The following TRANK1 variants were observed in gnomAD, a reference collection of about 807,000 sequenced individuals.
TRANK1 encodes tetratricopeptide repeat and ankyrin repeat containing 1.
TRANK1 carries 198 observed loss-of-function variants against 266.0 expected under a neutral mutation model. The ratio of observed to expected loss-of-function variants is 0.74; its 90% CI spans 0.66 to 0.84. TRANK1 has a LOEUF of 0.84. TRANK1 is among the 40% of genes least tolerant of loss of function. The pLI is 0.00. For missense variants in TRANK1, 3,326 were observed against 3,634.6 expected, an observed-to-expected ratio of 0.92 and a Z score of 2.18; for synonymous variants, 1,396 against 1,384.1, an observed-to-expected ratio of 1.01 and a Z score of -0.19.
chr3:36,867,761 T>C (rs1209994339), intron 9 of TRANK1, among the ~76,000 whole-genome samples: 1 of 152,246 alleles, frequency 6.6e-6, no homozygotes, highest in Non-Finnish European at 1.5e-5. Context: ...AAAACTATAC[T>C]TTTACAAATT....
intron 15 of TRANK1, chr3:36,850,550 C>G: frequency 7.2e-6 from 7 of 967,572 alleles, no homozygotes; most frequent in Non-Finnish European, 8.6e-6. Flanking sequence ...AGGAAGATTA[C>G]TTAAGGCCAG....
At chr3:36,941,231 C>T (rs1212241618) in intron 1 of TRANK1, among the ~76,000 whole-genome samples, 2 of 152,138 alleles carry the variant, frequency 1.3e-5, no homozygotes, top group East Asian at 3.8e-4. Flanking sequence ...TTTCCAAGTG[C>T]TAGGAGGACC....
At chr3:36,936,427 A>G (rs2080426267) in intron 1 of TRANK1, among the ~76,000 whole-genome samples, 2 of 151,880 alleles carry the variant, frequency 1.3e-5, no homozygotes, top group Non-Finnish European at 2.9e-5. Context: ...TCAAGCCTGC[A>G]GTGAGCTGTG....
At chr3:36,921,107 T>A (rs889139165) in intron 1 of TRANK1, among the ~76,000 whole-genome samples, 1 of 152,208 alleles carries the variant, frequency 6.6e-6, no homozygotes, top group Admixed American at 6.5e-5. Flanking sequence ...GGTCCCCTGT[T>A]CTGACCTAAG....
chr3:36,945,658 G>A (rs1037503593), upstream of TRANK1, among the ~76,000 whole-genome samples: 1 of 152,148 alleles, frequency 6.6e-6, no homozygotes, highest in Non-Finnish European at 1.5e-5. Context: ...GGGTCGGAGA[G>A]GACCACCTCT....
intron 9 of TRANK1, among the ~76,000 whole-genome samples, chr3:36,870,145 C>T (rs767868664): frequency 8.5e-5 from 13 of 152,216 alleles, no homozygotes; most frequent in Non-Finnish European, 1.0e-4. Context: ...TGGTGGCTCA[C>T]GCCTATAATC....
At chr3:36,869,172 C>T (rs1234847807) in intron 9 of TRANK1, among the ~76,000 whole-genome samples, 3 of 152,236 alleles carry the variant, frequency 2.0e-5, no homozygotes, top group African/African-American at 7.2e-5. Flanking sequence ...TACAGAATCT[C>T]AGGTCCTGCC....
chr3:36,895,715 A>G lies in TRANK1; in HGVS notation c.477T>C (p.His159=). ...VLQSFLPCFD[H]IFTTGFPTEV... is the part of the protein sequence containing the mutation. ...CTGTTGGGAATCCAGTTGTGAAAAT[A>G]TGATCAAAGCAAGGCAAGAAACTTT... The change falls in exon 5 of 24, where the codon CAT becomes CAC. Residue 159 remains histidine, a synonymous_variant. Transcript: ENST00000645898. 1 of 1,536,446 alleles carries G rather than the reference A, an allele frequency of 6.5e-7. No individual in the cohort carries two copies. Among genetic ancestry groups the G allele is most frequent in the Non-Finnish European group, 8.7e-7 (1 of 1,146,738 alleles).
At chr3:36,861,262 A>G (rs2079138653) in intron 10 of TRANK1, 102 bp from the exon 11 acceptor site, 2 of 1,366,118 alleles carry the variant, frequency 1.5e-6, no homozygotes, top group East Asian at 5.0e-5. Context: ...CACGGATTAT[A>G]TAAACAAGTA....
intron 1 of TRANK1, among the ~76,000 whole-genome samples, chr3:36,924,857 G>GC (rs998918492): frequency 5.3e-5 from 8 of 152,224 alleles, no homozygotes; most frequent in Admixed American, 3.3e-4. Context: ...AGCCAAAGGA[G>GC]CCCCCCCGGA....
intron 15 of TRANK1, chr3:36,850,186 A>C: frequency 1.0e-6 from 1 of 985,460 alleles, no homozygotes; most frequent in Non-Finnish European, 1.2e-6. Flanking sequence ...CAGTCCAACC[A>C]TGACCGATGG....
chr3:36,893,921 T>C (rs2079749208), intron 5 of TRANK1, among the ~76,000 whole-genome samples: 1 of 152,026 alleles, frequency 6.6e-6, no homozygotes, highest in Admixed American at 6.6e-5. Context: ...CTCACTCTTG[T>C]TGCCCTGGCT....
intron 8 of TRANK1, among the ~76,000 whole-genome samples, chr3:36,887,032 G>A (rs968008334): frequency 2.7e-5 from 4 of 150,364 alleles, no homozygotes; most frequent in African/African-American, 4.9e-5. Flanking sequence ...TCAGCCTCCC[G>A]AGTAGCTGGG....
chr3:36,833,100 A>G lies in TRANK1; in HGVS notation c.6483T>C (p.Thr2161=), dbSNP rs1353770842. Residue 2161 remains threonine, a synonymous_variant, in exon 22 of 24, where the codon ACT becomes ACC. Transcript: ENST00000645898. ...TGTTTAGGGCTAATTTCACTTGGTC[A>G]GTCATTATCAAAAAATGATCTTTTG... ...KKTKDHFLIM[T]DQVKLALNKH... is the part of the protein sequence containing the mutation. 1.2e-6 allele frequency: 2 copies of G among 1,612,372 alleles called. No homozygotes were observed. Among genetic ancestry groups the G allele is most frequent in the African/African-American group, 1.3e-5 (1 of 75,026 alleles).
At chr3:36,852,833 C>T (rs549765064) in intron 13 of TRANK1, among the ~76,000 whole-genome samples, 2 of 149,278 alleles carry the variant, frequency 1.3e-5, no homozygotes, top group African/African-American at 2.5e-5. Flanking sequence ...TCATAAGGGG[C>T]TGGTATTGAC....
In TRANK1 at chr3:36,832,576, G is replaced by T. The variant is rs372685070; in HGVS notation, c.7007C>A (p.Ala2336Asp). Reference protein sequence around the residue: ...STDLWLSAMQAFLLSSNYPEE... With the variant: ...STDLWLSAMQDFLLSSNYPEE... The stretch of plus-strand genomic sequence containing the variant: ...CGGGTAGTTGGAAGAGAGAAGGAAA[G>T]CTTGCATGGCACTCAGCCACAGGTC... The change falls in exon 22 of 24, where the codon GCT becomes GAT. Residue 2336 changes from alanine (A) to aspartate (D), a missense_variant. Ala to Asp is a moderately radical substitution (Grantham distance 126). Transcript: ENST00000645898. 4 of 1,614,014 alleles carry T rather than the reference G, an allele frequency of 2.5e-6. No homozygotes were observed. In the East Asian group the frequency reaches 8.9e-5, roughly 36 times the overall value.
At chr3:36,915,039 C>T (rs1334030883) in intron 1 of TRANK1, among the ~76,000 whole-genome samples, 1 of 152,146 alleles carries the variant, frequency 6.6e-6, no homozygotes, top group South Asian at 2.1e-4. Context: ...GCAAGCTCCG[C>T]CTCCCGGGTT....
chr3:36,897,371 C>T (rs2079808372), intron 4 of TRANK1, among the ~76,000 whole-genome samples: 1 of 152,184 alleles, frequency 6.6e-6, no homozygotes, highest in African/African-American at 2.4e-5. Context: ...CCAGCCCTGG[C>T]TACTGTTGGC....
intron 9 of TRANK1, among the ~76,000 whole-genome samples, chr3:36,870,962 T>TA (rs563787088): frequency 0.012 from 765 of 65,026 alleles, 4 homozygotes; most frequent in South Asian, 0.028. Flanking sequence ...ACAAGGAAAC[T>TA]AAAAAAAAAA....
Sources: gnomAD v4.1 joint callset for allele counts (sites outside exome capture counted in the v4.1 genomes callset) on GRCh38, gnomAD v4.1.1 for gene constraint, MANE v1.5 for transcripts, NCBI Gene and HGNC (gene_info 2026-07-23, HGNC 2026-07-21) for gene names.